RPS13: variants seen among roughly 807,000 people sequenced by gnomAD.
The protein encoded by RPS13 is ribosomal protein S13, also known as small ribosomal subunit protein uS15.
RPS13 carries 1 observed loss-of-function variant against 24.6 expected under a neutral mutation model. The observed-to-expected ratio is 0.04, with a 90% CI of 0.01 to 0.19. The LOEUF (loss-of-function observed/expected upper bound fraction) is 0.19, where lower values mean the gene tolerates loss of function less well. Ranked by LOEUF, RPS13 falls within the 10% of genes least tolerant of loss-of-function variation. The pLI, the probability that RPS13 is intolerant of heterozygous loss-of-function variation, is 1.00. For missense variants in RPS13, 88 were observed against 187.4 expected (o/e 0.47, Z 3.10); for synonymous variants, 69 against 65.3 (o/e 1.06, Z -0.27).
intron 3 of RPS13, chr11:17,076,795 G>A (rs942202645): frequency 2.9e-6 from 1 of 340,836 alleles, no homozygotes; most frequent in Non-Finnish European, 5.6e-6. Flanking sequence ...GCTGAATGAA[G>A]CCACTTGCAC....
intron 3 of RPS13, chr11:17,076,012 G>T: frequency 3.1e-6 from 1 of 325,038 alleles, no homozygotes; most frequent in Admixed American, 4.2e-5. Flanking sequence ...TACAATCTAT[G>T]ACATATTTTC....
At chr11:17,074,689 A>C (rs1183509323) in intron 5 of RPS13, 1 of 701,682 alleles carries the variant, frequency 1.4e-6, no homozygotes, top group East Asian at 2.7e-5. Flanking sequence ...GGCCAACATA[A>C]GGAAAAACAT....
At position 17,077,415 on chromosome 11, in the gene RPS13, A is replaced by G; in HGVS notation, c.72+14T>C. ...CCCTCCCCGGATTCTCCCCGGTCCC[A>G]GCGCGCTACTTACAGTGGGGACGCT... On this transcript the variant is annotated intron_variant, in intron 2 of 5. Transcript: ENST00000525634. 1 of 1,602,908 alleles carries G rather than the reference A, an allele frequency of 6.2e-7. No homozygotes were observed. The highest frequency in any genetic ancestry group is 1.1e-5 in the South Asian group (1 of 90,884).
chr11:17,076,839 T>C (rs1719830519), intron 3 of RPS13: 2 of 426,812 alleles, frequency 4.7e-6, no homozygotes, highest in East Asian at 8.7e-5. Flanking sequence ...AAACCACACC[T>C]AACTGTGAGG....
At chr11:17,075,964 C>A in intron 3 of RPS13, 2 of 392,854 alleles carry the variant, frequency 5.1e-6, no homozygotes, top group South Asian at 2.0e-5. Context: ...AAACTTTACA[C>A]GTTATTTCTT....
intron 2 of RPS13, 85 bp from the exon 3 acceptor site, chr11:17,077,331 C>T (rs1848036943): frequency 6.3e-7 from 1 of 1,577,708 alleles, no homozygotes; most frequent in Non-Finnish European, 8.7e-7. Context: ...CAAAACCGCG[C>T]TCCTCATACA....
chr11:17,076,148 G>T (rs10832731), intron 3 of RPS13: 81,602 of 221,690 alleles, frequency 0.37, 16,543 homozygotes, highest in East Asian at 0.81. Flanking sequence ...AGCACTTTGG[G>T]AGGCCGAGGC....
chr11:17,074,563 AAC>A (rs1847996235), intron 5 of RPS13, 97 bp from the exon 6 acceptor site: 1 of 939,218 alleles, frequency 1.1e-6, no homozygotes, highest in Non-Finnish European at 1.7e-6. Context: ...GCTATTCTCA[AAC>A]AGTTAATAAA....
At position 17,077,492 on chromosome 11, in the gene RPS13, A is replaced by G; in HGVS notation, c.24-15T>C. On this transcript the variant is annotated splice_polypyrimidine_tract_variant and intron_variant, in intron 1 of 5. Transcript: ENST00000525634. Reference sequence around the variant, plus strand: ...ACAGGCCCTTCCTGGGGAGAGAAGCAGTCTCGAGGTGAGGTGGCGGCTAGT... The same window carrying G: ...ACAGGCCCTTCCTGGGGAGAGAAGCGGTCTCGAGGTGAGGTGGCGGCTAGT... 6.2e-7 allele frequency: 1 copy of G among 1,613,980 alleles called. No homozygotes were observed. The highest frequency in any genetic ancestry group is 8.5e-7 in the Non-Finnish European group (1 of 1,179,962).
At chr11:17,075,983 C>G in intron 3 of RPS13, 1 of 367,742 alleles carries the variant, frequency 2.7e-6, no homozygotes, top group Non-Finnish European at 5.3e-6. Flanking sequence ...TTTTAAACCT[C>G]TAATGAGCTC....
At chr11:17,076,079 C>T in intron 3 of RPS13, 1 of 278,844 alleles carries the variant, frequency 3.6e-6, no homozygotes, top group South Asian at 3.1e-5. Context: ...AGATATTTTG[C>T]ACCCCCCTCC....
chr11:17,076,299 T>C (rs958942801), intron 3 of RPS13: 6 of 231,748 alleles, frequency 2.6e-5, no homozygotes, highest in African/African-American at 7.1e-5. Flanking sequence ...GGCAGGAGAA[T>C]TGCTTGCTTG....
chr11:17,074,557 T>C, intron 5 of RPS13, 91 bp from the exon 6 acceptor site: 2 of 984,864 alleles, frequency 2.0e-6, no homozygotes, highest in South Asian at 1.3e-5. Flanking sequence ...AATGGTGCTA[T>C]TCTCAAACAG....
intron 1 of RPS13, 34 bp from the exon 2 acceptor site, chr11:17,077,511 G>T (rs1181087627): frequency 2.5e-6 from 4 of 1,613,622 alleles, no homozygotes; most frequent in Non-Finnish European, 3.4e-6. Context: ...GTGAGGTGGC[G>T]GCTAGTGCCA....
chr11:17,077,267 G>A (rs768839506), intron 2 of RPS13, 21 bp from the exon 3 acceptor site: 1 of 1,608,654 alleles, frequency 6.2e-7, no homozygotes, highest in Admixed American at 1.7e-5. Context: ...ATAGAAAGCA[G>A]CCTTAGGATG....
chr11:17,077,296 CGCA>C, intron 2 of RPS13, 50 bp from the exon 3 acceptor site: 5 of 1,580,222 alleles, frequency 3.2e-6, no homozygotes, highest in Non-Finnish European at 4.3e-6. Flanking sequence ...GGAATGGCGC[CGCA>C]GAACAGCGGT....
At chr11:17,077,120 G>C (rs750609924) in intron 3 of RPS13, 48 bp downstream of exon 3, 2 of 1,394,078 alleles carry the variant, frequency 1.4e-6, no homozygotes, top group Admixed American at 1.7e-5. Context: ...GATCCTACAA[G>C]TCACACGAGG....
Position 17,077,159 on chromosome 11 carries a change from A to C in RPS13, c.151+9T>G. On this transcript the variant is annotated intron_variant, in intron 3 of 5. Coordinates refer to ENST00000525634, the MANE Select transcript of RPS13 (RefSeq NM_001017.3). Reference sequence around the variant, plus strand: ...GGCGAAATAGGCTATGTTAGACACAAACACTCACCGATCTGTGAAGGAGTA... The same window carrying C: ...GGCGAAATAGGCTATGTTAGACACACACACTCACCGATCTGTGAAGGAGTA... 6.2e-7 allele frequency: 1 copy of C among 1,605,608 alleles called. No homozygotes were observed. The highest frequency in any genetic ancestry group is 1.1e-5 in the South Asian group (1 of 90,908).
intron 1 of RPS13, 40 bp downstream of exon 1, chr11:17,077,579 A>T: frequency 4.1e-6 from 2 of 487,328 alleles, no homozygotes; most frequent in Non-Finnish European, 7.8e-6. Context: ...TCTTCCTCCC[A>T]CCCCCCGCCC....
Sources: gnomAD v4.1 joint callset for allele counts on GRCh38, gnomAD v4.1.1 for gene constraint, MANE v1.5 for transcripts, NCBI Gene and HGNC (gene_info 2026-07-23, HGNC 2026-07-21) for gene names.